The following UST variants were observed in gnomAD, a reference collection of about 807,000 sequenced individuals.
UST encodes the protein uronyl 2-sulfotransferase.
A neutral mutation model predicts 45.6 loss-of-function variants in UST; 21 were observed. The ratio of observed to expected loss-of-function variants is 0.46; its 90% CI spans 0.33 to 0.66. The LOEUF is 0.66. Among genes scored for constraint, UST ranks in the 30% least tolerant of loss-of-function variants. The probability of loss-of-function intolerance (pLI) is 0.02; values close to 1 mark genes in which losing one functional copy is unlikely to be tolerated. For missense variants in UST, 463 were observed against 512.4 expected (o/e 0.90, Z 0.93); for synonymous variants, 215 against 200.6 (o/e 1.07, Z -0.61).
At chr6:148,889,443 G>T (rs559613972) in intron 2 of UST, among the ~76,000 whole-genome samples, 1 of 152,144 alleles carries the variant, frequency 6.6e-6, no homozygotes, top group African/African-American at 2.4e-5. Context: ...GGACAATAGA[G>T]GGGGAAAAGA....
intron 5 of UST, among the ~76,000 whole-genome samples, chr6:148,986,675 A>G (rs1397058762): frequency 6.6e-6 from 1 of 152,250 alleles, no homozygotes; most frequent in Non-Finnish European, 1.5e-5. Context: ...CCTCTATGCT[A>G]CAGACAATTG....
In UST at chr6:149,040,225, A is replaced by G. The variant is rs529342601; in HGVS notation, c.937+18744A>G. Among the ~76,000 whole-genome samples the G allele has an allele frequency of 3.3e-5, 5 of 152,308 alleles. No individual in the cohort carries two copies. The South Asian group carries it at 1.0e-3, about 32-fold the overall frequency. On this transcript the variant is annotated intron_variant, in intron 7 of 7. Coordinates refer to ENST00000367463, the MANE Select transcript of UST (RefSeq NM_005715.3). Reference sequence around the variant, plus strand: ...CTGAAACTAGTTTGATTCCATTTGTATATCACAGTGTCACCCTAGCATTTT... The same window carrying G: ...CTGAAACTAGTTTGATTCCATTTGTGTATCACAGTGTCACCCTAGCATTTT...
intron 1 of UST, 115 bp from the exon 2 acceptor site, chr6:148,886,871 A>T: frequency 2.3e-6 from 2 of 854,592 alleles, no homozygotes; most frequent in African/African-American, 1.7e-5. Context: ...TTTCTTTGGT[A>T]CTGTTGTCTG....
intron 5 of UST, among the ~76,000 whole-genome samples, chr6:148,965,138 G>A (rs1197663562): frequency 6.6e-6 from 1 of 152,212 alleles, no homozygotes; most frequent in Non-Finnish European, 1.5e-5. Flanking sequence ...ACCAGTAATT[G>A]TTTGCTTTCT....
At chr6:148,991,269 G>C (rs1048122592) in intron 5 of UST, among the ~76,000 whole-genome samples, 3 of 152,108 alleles carry the variant, frequency 2.0e-5, no homozygotes, top group Non-Finnish European at 4.4e-5. Context: ...CTTAAAGTTT[G>C]CAAATGTTCG....
At chr6:148,908,892 CTTAAA>C (rs957846731) in intron 2 of UST, among the ~76,000 whole-genome samples, 86 of 152,270 alleles carry the variant, frequency 5.6e-4, no homozygotes, top group Non-Finnish European at 1.0e-3. Context: ...GGTCTGAGAA[CTTAAA>C]TTAGTCTATC....
intron 5 of UST, among the ~76,000 whole-genome samples, chr6:148,996,509 A>G (rs908305865): frequency 6.6e-6 from 1 of 152,184 alleles, no homozygotes; most frequent in African/African-American, 2.4e-5. Context: ...ACAAGCCACC[A>G]CACCTGCCCT....
At chr6:148,837,720 G>C (rs1777814854) in intron 1 of UST, among the ~76,000 whole-genome samples, 1 of 150,686 alleles carries the variant, frequency 6.6e-6, no homozygotes, top group African/African-American at 2.4e-5. Context: ...TTTTGAGACA[G>C]GGTCTCACTT....
intron 2 of UST, among the ~76,000 whole-genome samples, chr6:148,897,682 G>A (rs373291913): frequency 2.0e-5 from 3 of 151,382 alleles, no homozygotes; most frequent in East Asian, 3.9e-4. Context: ...GTAGAGATGG[G>A]GTCTCACTCT....
At chr6:148,940,803 G>T (rs891766870) in intron 2 of UST, among the ~76,000 whole-genome samples, 17 of 152,004 alleles carry the variant, frequency 1.1e-4, no homozygotes, top group African/African-American at 4.1e-4. Flanking sequence ...GTGCTTGTTG[G>T]CCATTTGTAT....
intron 3 of UST, among the ~76,000 whole-genome samples, chr6:148,943,430 G>C (rs1780170897): frequency 6.6e-6 from 1 of 152,220 alleles, no homozygotes; most frequent in African/African-American, 2.4e-5. Context: ...GATCAACCTA[G>C]TTTGTTTCCT....
chr6:148,908,295 T>C (rs990188407), intron 2 of UST, among the ~76,000 whole-genome samples: 1 of 152,160 alleles, frequency 6.6e-6, no homozygotes, highest in East Asian at 1.9e-4. Context: ...TAGGTATATA[T>C]AGTATATTTT....
chr6:149,033,850 A>G (rs1333729265), intron 7 of UST, among the ~76,000 whole-genome samples: 2 of 152,224 alleles, frequency 1.3e-5, no homozygotes, highest in African/African-American at 4.8e-5. Context: ...AAAATCAAAT[A>G]GTCCTATAAG....
At chr6:148,845,455 C>T (rs778285561) in intron 1 of UST, among the ~76,000 whole-genome samples, 31 of 152,026 alleles carry the variant, frequency 2.0e-4, no homozygotes, top group Non-Finnish European at 4.4e-4. Context: ...TTTTTATTGC[C>T]AAGCAGTATT....
chr6:148,941,442 G>A lies in UST; in HGVS notation c.447+8G>A. 6.3e-7 allele frequency: 1 copy of A among 1,586,318 alleles called. No individual in the cohort carries two copies. Among genetic ancestry groups the A allele is most frequent in the African/African-American group, 1.4e-5 (1 of 73,364 alleles). ...CTTACTAAAAATGAACAAGTAAGTTGACTTTGCACATTGTTAAATTGTGTT... is the reference window on the plus strand; with the variant it reads ...CTTACTAAAAATGAACAAGTAAGTTAACTTTGCACATTGTTAAATTGTGTT... On this transcript the variant is annotated splice_region_variant and intron_variant, in intron 3 of 7. Coordinates refer to ENST00000367463, the MANE Select transcript of UST (RefSeq NM_005715.3).
At chr6:148,813,998 G>A (rs566968510) in intron 1 of UST, among the ~76,000 whole-genome samples, 93 of 152,012 alleles carry the variant, frequency 6.1e-4, no homozygotes, top group African/African-American at 2.1e-3. Context: ...AAATCTTTTC[G>A]GCCTTTCCAG....
intron 1 of UST, among the ~76,000 whole-genome samples, chr6:148,786,257 C>T (rs574438441): frequency 4.6e-5 from 7 of 151,932 alleles, no homozygotes; most frequent in East Asian, 1.9e-4. Context: ...TTCAGGGGTC[C>T]GTGTGCAGGA....
intron 1 of UST, among the ~76,000 whole-genome samples, chr6:148,823,984 G>A (rs1393288816): frequency 1.3e-5 from 2 of 152,192 alleles, no homozygotes; most frequent in African/African-American, 4.8e-5. Context: ...TCTGAGCACG[G>A]CTTTGACTGA....
At chr6:149,004,117 A>G (rs1781603324) in intron 5 of UST, among the ~76,000 whole-genome samples, 1 of 152,142 alleles carries the variant, frequency 6.6e-6, no homozygotes, top group Non-Finnish European at 1.5e-5. Context: ...ATTTAATATA[A>G]TATTGAATAT....
Sources: gnomAD v4.1 joint callset for allele counts (sites outside exome capture counted in the v4.1 genomes callset) on GRCh38, gnomAD v4.1.1 for gene constraint, MANE v1.5 for transcripts, NCBI Gene and HGNC (gene_info 2026-07-23, HGNC 2026-07-21) for gene names.